FNDC3B: variants seen among roughly 807,000 people sequenced by gnomAD.
The protein encoded by FNDC3B is fibronectin type III domain containing 3B.
A neutral mutation model predicts 151.5 loss-of-function variants in FNDC3B; 12 were observed. The ratio of observed to expected loss-of-function variants is 0.08; its 90% CI spans 0.05 to 0.13. FNDC3B has a LOEUF of 0.13. FNDC3B is among the 10% of genes least tolerant of loss of function. The pLI, the probability that FNDC3B is intolerant of heterozygous loss-of-function variation, is 1.00. For missense variants in FNDC3B, 1,214 were observed against 1,505.3 expected, an observed-to-expected ratio of 0.81 and a Z score of 3.20; for synonymous variants, 528 against 549.0, an observed-to-expected ratio of 0.96 and a Z score of 0.54.
chr3:172,377,766 A>G (rs1417795596), intron 23 of FNDC3B, among the ~76,000 whole-genome samples: 1 of 152,176 alleles, frequency 6.6e-6, no homozygotes, highest in Non-Finnish European at 1.5e-5. Flanking sequence ...CAGTTGAGGA[A>G]TGGGGCTTTG....
chr3:172,051,125 C>A (rs1716630696), intron 1 of FNDC3B, among the ~76,000 whole-genome samples: 1 of 150,048 alleles, frequency 6.7e-6, no homozygotes, highest in South Asian at 2.1e-4. Context: ...CTCTTGTTGC[C>A]CAGGCTGGAG....
chr3:172,262,934 T>C (rs1012530093), intron 6 of FNDC3B, among the ~76,000 whole-genome samples: 9 of 139,478 alleles, frequency 6.5e-5, no homozygotes, highest in Non-Finnish European at 1.4e-4. Flanking sequence ...CACTAGAAAG[T>C]TGGGAGAGAG....
chr3:172,329,249 T>C (rs2108284745), intron 12 of FNDC3B, 173 bp downstream of exon 12: 1 of 717,594 alleles, frequency 1.4e-6, no homozygotes, highest in Non-Finnish European at 2.3e-6. Context: ...AGCTGGTGAA[T>C]GTCACTATGG....
At chr3:172,210,374 A>G (rs1398762925) in intron 3 of FNDC3B, among the ~76,000 whole-genome samples, 1 of 151,770 alleles carries the variant, frequency 6.6e-6, no homozygotes, top group Non-Finnish European at 1.5e-5. Flanking sequence ...TTTCTTTTGA[A>G]ATGGGGTCTG....
chr3:172,076,620 A>AT (rs531261858), intron 1 of FNDC3B, among the ~76,000 whole-genome samples: 4 of 152,032 alleles, frequency 2.6e-5, no homozygotes, highest in African/African-American at 4.8e-5. Flanking sequence ...TAATTAATTT[A>AT]TTTTTTTTAA....
intron 4 of FNDC3B, among the ~76,000 whole-genome samples, chr3:172,239,385 A>T (rs1027702933): frequency 2.0e-5 from 3 of 152,142 alleles, no homozygotes; most frequent in Non-Finnish European, 4.4e-5. Flanking sequence ...CTGGGATCCC[A>T]CTTTAGGCAT....
At chr3:172,141,174 G>A (rs1277653784) in intron 3 of FNDC3B, among the ~76,000 whole-genome samples, 3 of 152,076 alleles carry the variant, frequency 2.0e-5, no homozygotes, top group Admixed American at 2.0e-4. Flanking sequence ...GCATGATTGT[G>A]GGCAATGACT....
chr3:172,065,298 C>T (rs1437148902), intron 1 of FNDC3B, among the ~76,000 whole-genome samples: 1 of 152,206 alleles, frequency 6.6e-6, no homozygotes, highest in Non-Finnish European at 1.5e-5. Context: ...TGCCACTGCA[C>T]TCCAGCCTGG....
chr3:172,337,159 G>GT (rs1297292037), intron 15 of FNDC3B, among the ~76,000 whole-genome samples, 171 bp from the exon 16 acceptor site: 2 of 148,326 alleles, frequency 1.3e-5, no homozygotes, highest in African/African-American at 5.0e-5. Flanking sequence ...TTCCTGGTTT[G>GT]TTTTTTTCTT....
chr3:172,231,418 G>A (rs11712833), intron 4 of FNDC3B, among the ~76,000 whole-genome samples: 25,342 of 152,064 alleles, frequency 0.17, 2,704 homozygotes, highest in Non-Finnish European at 0.23. Flanking sequence ...CACTGTGACC[G>A]GATGAATTTT....
intron 11 of FNDC3B, among the ~76,000 whole-genome samples, chr3:172,314,988 G>A (rs1731706933): frequency 6.6e-6 from 1 of 152,206 alleles, no homozygotes; most frequent in Non-Finnish European, 1.5e-5. Flanking sequence ...TTAACTGCCT[G>A]TTATTTCTCC....
In FNDC3B at chr3:172,353,021, C is replaced by A; in HGVS notation, c.2733C>A (p.Ser911Arg). 1 of 1,614,158 alleles carries A rather than the reference C, an allele frequency of 6.2e-7. No homozygotes were observed. Among genetic ancestry groups the A allele is most frequent in the Non-Finnish European group, 8.5e-7 (1 of 1,180,014 alleles). Residue 911 changes from serine to arginine, a missense_variant, in exon 22 of 26, where the codon AGC (serine) becomes AGA (arginine). Around this residue, in one of 7 missense-constraint regions of FNDC3B, gnomAD observed 284 missense variants for 392.4 expected, o/e 0.72. Coordinates refer to ENST00000415807, the MANE Select transcript of FNDC3B (RefSeq NM_022763.4). ...ACACCATTGATCTAGGAGACACTAG[C>A]ATTACCGTGGGCAACACCACCATGC... ...LAYTIDLGDT[S>R]ITVGNTTMHV...
intron 1 of FNDC3B, among the ~76,000 whole-genome samples, chr3:172,079,521 G>A (rs1413532760): frequency 6.6e-6 from 1 of 152,228 alleles, no homozygotes; most frequent in African/African-American, 2.4e-5. Flanking sequence ...GGGCATTTCT[G>A]CCATCAAAAC....
chr3:172,128,408 A>C (rs1335561314), intron 2 of FNDC3B, among the ~76,000 whole-genome samples: 2 of 152,178 alleles, frequency 1.3e-5, no homozygotes, highest in Non-Finnish European at 2.9e-5. Context: ...TGGAGAAAAG[A>C]GGGGGCTCAA....
intron 5 of FNDC3B, among the ~76,000 whole-genome samples, chr3:172,250,899 C>T (rs1728028683): frequency 6.6e-6 from 1 of 152,164 alleles, no homozygotes; most frequent in Admixed American, 6.5e-5. Flanking sequence ...TCACTGCAAC[C>T]TCCGCCTCCA....
Position 172,314,292 on chromosome 3 carries a change from G to A in FNDC3B, c.1254+3411G>A, listed in dbSNP as rs147392235. Among the ~76,000 whole-genome samples the A allele has an allele frequency of 9.2e-4, 140 of 152,258 alleles. 1 individual carries two copies. Among genetic ancestry groups the A allele is most frequent in the East Asian group, 8.9e-3 (46 of 5,174 alleles). On this transcript the variant is annotated intron_variant, in intron 11 of 25. Transcript: ENST00000415807. ...ACCCATAAACCTGTCTGCCATCCAGGGGGCTGAAGAAACAAACTTAGATTG... is the reference window on the plus strand; with the variant it reads ...ACCCATAAACCTGTCTGCCATCCAGAGGGCTGAAGAAACAAACTTAGATTG...
intron 8 of FNDC3B, among the ~76,000 whole-genome samples, chr3:172,298,116 C>A (rs1730732139): frequency 6.6e-6 from 1 of 152,180 alleles, no homozygotes; most frequent in Admixed American, 6.5e-5. Context: ...TTGAAGAACA[C>A]AAAGTAAGTC....
intron 6 of FNDC3B, among the ~76,000 whole-genome samples, chr3:172,284,664 C>T (rs11710938): frequency 0.076 from 11,443 of 150,026 alleles, 461 homozygotes; most frequent in Non-Finnish European, 0.08. Context: ...CCCCCTTCCC[C>T]TCCAAGTGCC....
intron 7 of FNDC3B, among the ~76,000 whole-genome samples, chr3:172,289,823 G>A (rs575350592): frequency 6.6e-6 from 1 of 152,312 alleles, no homozygotes; most frequent in African/African-American, 2.4e-5. Flanking sequence ...TGGCACTCTG[G>A]GTTGGGACTT....
Sources: gnomAD v4.1 joint callset for allele counts (sites outside exome capture counted in the v4.1 genomes callset) on GRCh38, gnomAD v4.1.1 for gene constraint, gnomAD v4.1.1 regional missense constraint, MANE v1.5 for transcripts, NCBI Gene and HGNC (gene_info 2026-07-23, HGNC 2026-07-21) for gene names.